L3MBTL4: variants seen among roughly 807,000 people sequenced by gnomAD.
L3MBTL4 encodes the protein L3MBTL histone methyl-lysine binding protein 4.
L3MBTL4 carries 70 observed loss-of-function variants against 84.5 expected under a neutral mutation model. The observed-to-expected ratio is 0.83, with a 90% CI of 0.68 to 1.01. The LOEUF is 1.01. Ranked by LOEUF, L3MBTL4 falls within the 50% of genes least tolerant of loss-of-function variation. L3MBTL4 has a pLI of 0.00. For missense variants in L3MBTL4, 715 were observed against 754.8 expected (o/e 0.95, Z 0.62); for synonymous variants, 274 against 259.8 (o/e 1.05, Z -0.52).
rs763274818 is a variant in L3MBTL4 at position 6,408,686 on chromosome 18, CT to C, written c.-91+6114del. On this transcript the variant is annotated intron_variant, in intron 1 of 18. Transcript: ENST00000317931. ...CCAGTTTTCTTTTTTTCTTCTTCTT[CT>C]TTTTTTTTTTTTGAGACCGAGTCTC... Among the ~76,000 whole-genome samples, 1,294 of 144,470 alleles carry C rather than the reference CT, an allele frequency of 9.0e-3. 14 individuals are homozygous for C. Among genetic ancestry groups the C allele is most frequent in the African/African-American group, 0.024 (956 of 39,552 alleles). The allele number at this position is 144,470 out of a possible 152,430, so 94.8% of individuals were successfully genotyped here. A position where few individuals can be genotyped will look rare whatever the true frequency, so the allele number is the denominator to read the frequency against.
chr18:5,974,782 C>G (rs141449426), intron 16 of L3MBTL4, among the ~76,000 whole-genome samples: 3 of 152,040 alleles, frequency 2.0e-5, no homozygotes, highest in African/African-American at 7.2e-5. Flanking sequence ...CTTGACAACA[C>G]GGTGAGACCC....
chr18:5,994,541 C>T (rs2053860285), intron 16 of L3MBTL4, among the ~76,000 whole-genome samples: 1 of 152,100 alleles, frequency 6.6e-6, no homozygotes, highest in South Asian at 2.1e-4. Flanking sequence ...GGTAAATTTG[C>T]CCACAGTTGC....
intron 13 of L3MBTL4, among the ~76,000 whole-genome samples, chr18:6,147,270 T>C (rs989693602): frequency 6.6e-6 from 1 of 152,050 alleles, no homozygotes; most frequent in African/African-American, 2.4e-5. Flanking sequence ...ATAATAAGCA[T>C]TATCTTTCAA....
intron 1 of L3MBTL4, among the ~76,000 whole-genome samples, chr18:6,348,814 G>A (rs1411139739): frequency 1.3e-5 from 2 of 152,116 alleles, no homozygotes; most frequent in Non-Finnish European, 2.9e-5. Context: ...TGGTCACATG[G>A]ACACTCATCC....
At chr18:6,245,349 A>C (rs575941377) in intron 5 of L3MBTL4, among the ~76,000 whole-genome samples, 1 of 152,204 alleles carries the variant, frequency 6.6e-6, no homozygotes, top group African/African-American at 2.4e-5. Flanking sequence ...TGTGTGTCCT[A>C]TGAACTTCCC....
At chr18:6,037,736 A>G (rs920577725) in intron 16 of L3MBTL4, among the ~76,000 whole-genome samples, 2 of 152,216 alleles carry the variant, frequency 1.3e-5, no homozygotes, top group African/African-American at 4.8e-5. Context: ...ACTGCAACCA[A>G]CTGTAGCCTC....
intron 1 of L3MBTL4, among the ~76,000 whole-genome samples, chr18:6,403,428 C>T (rs145105460): frequency 1.7e-3 from 254 of 152,276 alleles, no homozygotes; most frequent in Non-Finnish European, 2.7e-3. Context: ...CACTGGTCAC[C>T]TTCACGGTGA....
rs149993139 is a variant in L3MBTL4 at position 5,992,858 on chromosome 18, G to A, written c.1445-23296C>T. Among the ~76,000 whole-genome samples the A allele has an allele frequency of 3.3e-3, 499 of 152,280 alleles. 2 individuals carry two copies. Among genetic ancestry groups the A allele is most frequent in the African/African-American group, 0.011 (469 of 41,566 alleles). On this transcript the variant is annotated intron_variant, in intron 16 of 18. Coordinates refer to ENST00000317931, the MANE Select transcript of L3MBTL4 (RefSeq NM_001330559.2). ...TGCTTCCTGTACAGCCTGCAGAACC[G>A]TGAGCCAATATGACCTCTTTTCTTT...
chr18:6,182,508 T>C (rs2044522232), intron 12 of L3MBTL4, among the ~76,000 whole-genome samples: 1 of 152,230 alleles, frequency 6.6e-6, no homozygotes, highest in African/African-American at 2.4e-5. Context: ...ACTCTGTTAA[T>C]AGTTTCTTTT....
At chr18:6,365,924 GC>G (rs1268160360) in intron 1 of L3MBTL4, among the ~76,000 whole-genome samples, 10 of 152,200 alleles carry the variant, frequency 6.6e-5, no homozygotes, top group African/African-American at 2.4e-4. Flanking sequence ...GTCAATGTAT[GC>G]ACAAGCTTTG....
At chr18:6,257,150 T>C (rs2048178450) in intron 5 of L3MBTL4, among the ~76,000 whole-genome samples, 1 of 152,168 alleles carries the variant, frequency 6.6e-6, no homozygotes, top group Non-Finnish European at 1.5e-5. Flanking sequence ...TCTGCTGTTT[T>C]CAGTTAAATC....
At chr18:6,307,297 C>A (rs1021725093) in intron 3 of L3MBTL4, among the ~76,000 whole-genome samples, 1 of 151,186 alleles carries the variant, frequency 6.6e-6, no homozygotes, top group Non-Finnish European at 1.5e-5. Flanking sequence ...ATGAGCTGAA[C>A]GTGGTGGTGC....
At chr18:6,342,346 T>C (rs2052646890) in intron 1 of L3MBTL4, among the ~76,000 whole-genome samples, 1 of 152,100 alleles carries the variant, frequency 6.6e-6, no homozygotes, top group South Asian at 2.1e-4. Flanking sequence ...GGATATGCAA[T>C]ATAAAAAGTT....
intron 16 of L3MBTL4, among the ~76,000 whole-genome samples, chr18:6,037,538 G>A (rs1351038243): frequency 6.6e-6 from 1 of 152,140 alleles, no homozygotes; most frequent in Non-Finnish European, 1.5e-5. Context: ...CATTAAAAAA[G>A]GCCACCACGC....
chr18:6,385,418 T>C (rs2054779193), intron 1 of L3MBTL4, among the ~76,000 whole-genome samples: 1 of 151,928 alleles, frequency 6.6e-6, no homozygotes, highest in Non-Finnish European at 1.5e-5. Context: ...AAATAAATAA[T>C]ACATTAAAAT....
intron 1 of L3MBTL4, among the ~76,000 whole-genome samples, chr18:6,359,417 C>G (rs1050806605): frequency 1.3e-5 from 2 of 152,124 alleles, no homozygotes; most frequent in African/African-American, 4.8e-5. Flanking sequence ...TGCATTCCAG[C>G]CTGGGCAACA....
At chr18:6,380,208 G>A (rs1416571190) in intron 1 of L3MBTL4, among the ~76,000 whole-genome samples, 1 of 151,896 alleles carries the variant, frequency 6.6e-6, no homozygotes, top group Non-Finnish European at 1.5e-5. Flanking sequence ...CTTCTCTCTT[G>A]TCTTCTTTAT....
chr18:6,105,380 G>A (rs1000814766), intron 14 of L3MBTL4, among the ~76,000 whole-genome samples: 2 of 151,114 alleles, frequency 1.3e-5, no homozygotes, highest in Non-Finnish European at 3.0e-5. Context: ...AGTAGAGATG[G>A]GGTTTCACCA....
At chr18:6,210,241 C>A (rs78945126) in intron 12 of L3MBTL4, among the ~76,000 whole-genome samples, 1 of 152,170 alleles carries the variant, frequency 6.6e-6, no homozygotes, top group East Asian at 1.9e-4. Context: ...GGATCTGCTG[C>A]GCTCTGTCAA....
Sources: allele counts gnomAD v4.1 joint callset (sites outside exome capture counted in the v4.1 genomes callset), GRCh38; gene constraint gnomAD v4.1.1; transcripts MANE v1.5; gene names NCBI Gene and HGNC (gene_info 2026-07-23, HGNC 2026-07-21).